Variants in PAIP1 observed in about 807,000 individuals in gnomAD.
PAIP1 encodes polyadenylate-binding protein-interacting protein 1.
PAIP1 carries 16 observed loss-of-function variants against 61.3 expected under a neutral mutation model. The observed-to-expected ratio is 0.26, with a 90% confidence interval of 0.18 to 0.40. The LOEUF (loss-of-function observed/expected upper bound fraction) is 0.40. PAIP1 is among the 10% of genes least tolerant of loss of function. The probability of loss-of-function intolerance (pLI) is 1.00; values close to 1 mark genes in which losing one functional copy is unlikely to be tolerated. For synonymous variants in PAIP1, 187 were observed against 226.2 expected (o/e 0.83, Z 1.56); for missense variants, 416 against 600.9 (o/e 0.69, Z 3.22).
intron 3 of PAIP1, among the ~76,000 whole-genome samples, chr5:43,543,977 T>A (rs1747527632): frequency 6.6e-6 from 1 of 151,772 alleles, no homozygotes; most frequent in Non-Finnish European, 1.5e-5. Context: ...CCACCATCTC[T>A]ATAAAAAAAT....
intron 6 of PAIP1, 121 bp from the exon 7 acceptor site, chr5:43,535,761 C>A: frequency 1.6e-6 from 1 of 625,918 alleles, no homozygotes. Context: ...TTTAATATTC[C>A]TAATTATTCT....
chr5:43,537,787 A>C (rs1747211753), intron 5 of PAIP1, among the ~76,000 whole-genome samples: 1 of 152,038 alleles, frequency 6.6e-6, no homozygotes, highest in Non-Finnish European at 1.5e-5. Flanking sequence ...TGAGGTCAGG[A>C]GTTTGAGACC....
intron 4 of PAIP1, among the ~76,000 whole-genome samples, chr5:43,540,932 G>A (rs917636601): frequency 1.3e-5 from 2 of 151,948 alleles, no homozygotes; most frequent in Non-Finnish European, 2.9e-5. Context: ...CACAGCCGGG[G>A]GTGAGAAGCA....
intron 4 of PAIP1, 61 bp downstream of exon 4, chr5:43,542,943 G>A: frequency 1.1e-6 from 1 of 875,834 alleles, no homozygotes; most frequent in Admixed American, 1.8e-5. Flanking sequence ...ATGGTCTGAG[G>A]AATGGTCAAA....
intron 3 of PAIP1, among the ~76,000 whole-genome samples, chr5:43,546,508 A>G (rs901970817): frequency 6.6e-5 from 10 of 152,226 alleles, no homozygotes. Flanking sequence ...GGGGTCCAGT[A>G]ACCATCCAGA....
Position 43,543,093 on chromosome 5 carries a change from A to G in PAIP1, c.645T>C (p.Ser215=). Residue 215 remains serine (S), a synonymous_variant, in exon 4 of 11, where the codon TCT becomes TCC. Coordinates refer to ENST00000306846, the MANE Select transcript of PAIP1 (RefSeq NM_006451.5). ...AATTACACAGGCGAGCTCCCATATA[A>G]GAGAAATTTGGGATAGATGTGGCCT... ...YQQATSIPNF[S]YMGARLCNYL... 1.9e-6 allele frequency: 3 copies of G among 1,604,418 alleles called. No homozygotes were observed. The highest frequency in any genetic ancestry group is 2.6e-6 in the Non-Finnish European group (3 of 1,171,454).
In PAIP1 at chr5:43,551,265, C is replaced by T. The variant is rs1747856900; in HGVS notation, c.436-3352G>A. Among the ~76,000 whole-genome samples, 2 of 151,774 alleles carry T rather than the reference C, an allele frequency of 1.3e-5. 1 individual carries two copies. Among genetic ancestry groups the T allele is most frequent in the South Asian group, 4.1e-4 (2 of 4,822 alleles). Reference sequence around the variant, plus strand: ...CTATATTTTTAACCTCTCTGTGAAACTCAAAATAAAGGACAAAAGCTTAAA... The same window carrying T: ...CTATATTTTTAACCTCTCTGTGAAATTCAAAATAAAGGACAAAAGCTTAAA... On this transcript the variant is annotated intron_variant, in intron 2 of 10. Transcript: ENST00000306846.
chr5:43,556,960 T>TGGA lies in PAIP1; in HGVS notation c.-117_-115dup, dbSNP rs1413512639. The TGGA allele has an allele frequency of 2.4e-6, 3 of 1,255,054 alleles. No individual in the cohort carries two copies. Among genetic ancestry groups the TGGA allele is most frequent in the Middle Eastern group, 3.1e-4 (1 of 3,240 alleles). 77.7% of individuals were successfully genotyped at this position (1,255,054 alleles called of 1,614,324 possible). ...GCCGCCGCGCCTCACTCGGGCCTCA[T>TGGA]GGAGGAGGAGGGCGGCGGGCCCCGG... On this transcript the variant is annotated 5_prime_UTR_variant, in exon 1 of 11. Transcript: ENST00000306846.
chr5:43,535,023 C>T (rs1747089273), intron 7 of PAIP1, 53 bp from the exon 8 acceptor site: 4 of 926,028 alleles, frequency 4.3e-6, no homozygotes, highest in South Asian at 2.7e-5. Context: ...GGCTGTCAGA[C>T]CCTAAAATAT....
intron 5 of PAIP1, among the ~76,000 whole-genome samples, chr5:43,537,410 C>T (rs1326315819): frequency 6.6e-6 from 1 of 152,070 alleles, no homozygotes; most frequent in African/African-American, 2.4e-5. Flanking sequence ...ATAGAAAATG[C>T]TCAACAGTAT....
intron 10 of PAIP1, among the ~76,000 whole-genome samples, chr5:43,528,674 A>G (rs6859700): frequency 0.057 from 8,673 of 152,206 alleles, 801 homozygotes; most frequent in African/African-American, 0.2. Flanking sequence ...AAACCGACAC[A>G]TAATTAAAAT....
intron 3 of PAIP1, among the ~76,000 whole-genome samples, chr5:43,543,948 C>T (rs1747526426): frequency 6.6e-6 from 1 of 151,856 alleles, no homozygotes; most frequent in South Asian, 2.1e-4. Flanking sequence ...TCAAGACCAG[C>T]CTAGTCAACA....
At chr5:43,556,090 GT>G in intron 1 of PAIP1, 91 bp from the exon 2 acceptor site, 2 of 1,484,210 alleles carry the variant, frequency 1.3e-6, no homozygotes. Context: ...AAAAGCGTCT[GT>G]TTTTAAGAGT....
At chr5:43,528,777 T>A (rs566673700) in intron 10 of PAIP1, among the ~76,000 whole-genome samples, 56 of 152,208 alleles carry the variant, frequency 3.7e-4, no homozygotes, top group Non-Finnish European at 5.7e-4. Flanking sequence ...ATTTATTCCC[T>A]CCCATCTCCT....
upstream of PAIP1, chr5:43,557,303 G>GA (rs1449278625): frequency 3.7e-3 from 574 of 153,506 alleles, 6 homozygotes; most frequent in Middle Eastern, 9.9e-3. Context: ...GGCCAGGCTG[G>GA]GGGGGATGAG....
intron 4 of PAIP1, among the ~76,000 whole-genome samples, chr5:43,541,071 A>G (rs1747381021): frequency 6.7e-6 from 1 of 150,348 alleles, no homozygotes; most frequent in Non-Finnish European, 1.5e-5. Flanking sequence ...TAACTTTGAC[A>G]TTTGTATTTT....
chr5:43,531,982 C>G (rs1746961508), intron 9 of PAIP1, among the ~76,000 whole-genome samples: 3 of 152,098 alleles, frequency 2.0e-5, no homozygotes, highest in Non-Finnish European at 2.9e-5. Context: ...ATTATTTGAA[C>G]AAAATGCAGA....
At position 43,547,042 on chromosome 5, in the gene PAIP1, CAAAAAAAAAAAA is replaced by C. The variant is rs766493987; in HGVS notation, c.621+674_621+685del. Among the ~76,000 whole-genome samples the C allele has an allele frequency of 7.6e-4, 27 of 35,668 alleles. No individual in the cohort carries two copies. In the South Asian group the frequency reaches 0.012, roughly 16 times the overall value. 23.4% of individuals were successfully genotyped at this position (35,668 alleles called of 152,430 possible). A position where few individuals can be genotyped will look rare whatever the true frequency, so the allele number is the denominator to read the frequency against. On this transcript the variant is annotated intron_variant, in intron 3 of 10. Coordinates refer to ENST00000306846, the MANE Select transcript of PAIP1 (RefSeq NM_006451.5). Reference sequence around the variant, plus strand: ...TGGGAGACAGGGCAAGACTCCATATCAAAAAAAAAAAAAAAAAAAAAAAAAAAGCGTTAATAT... The same window carrying C: ...TGGGAGACAGGGCAAGACTCCATATCAAAAAAAAAAAAAAAGCGTTAATAT...
intron 5 of PAIP1, among the ~76,000 whole-genome samples, chr5:43,537,812 G>A (rs1747213047): frequency 1.3e-5 from 2 of 151,994 alleles, no homozygotes; most frequent in South Asian, 4.1e-4. Flanking sequence ...TGGCCAACAT[G>A]GTGAAACCCC....
Sources: allele counts gnomAD v4.1 joint callset (sites outside exome capture counted in the v4.1 genomes callset), GRCh38; gene constraint gnomAD v4.1.1; transcripts MANE v1.5; gene names NCBI Gene and HGNC (gene_info 2026-07-23, HGNC 2026-07-21).